FOCAD: variants seen among roughly 807,000 people sequenced by gnomAD.
FOCAD encodes the protein focadhesin.
A neutral mutation model predicts 225.6 loss-of-function variants in FOCAD; 198 were observed. The observed-to-expected ratio is 0.88, with a 90% CI of 0.78 to 0.99. The LOEUF is 0.99. FOCAD is among the 50% of genes least tolerant of loss of function. The probability of loss-of-function intolerance (pLI) is 0.00; values close to 1 mark genes in which losing one functional copy is unlikely to be tolerated. For missense variants in FOCAD, 2,713 were observed against 2,123.6 expected (o/e 1.28, Z -5.46); for synonymous variants, 897 against 755.0 (o/e 1.19, Z -3.08).
intron 39 of FOCAD, among the ~76,000 whole-genome samples, chr9:20,984,990 AG>A (rs1841025371): frequency 6.6e-6 from 1 of 152,094 alleles, no homozygotes; most frequent in African/African-American, 2.4e-5. Flanking sequence ...TAGTAGAGAC[AG>A]GGTTTTACCA....
intron 7 of FOCAD, among the ~76,000 whole-genome samples, chr9:20,768,872 C>T (rs1377101668): frequency 6.6e-6 from 1 of 151,992 alleles, no homozygotes; most frequent in Non-Finnish European, 1.5e-5. Context: ...TACATAAAGA[C>T]AGAATGTTAC....
At chr9:20,970,159 A>G (rs926468888) in intron 35 of FOCAD, among the ~76,000 whole-genome samples, 7 of 152,014 alleles carry the variant, frequency 4.6e-5, no homozygotes, top group African/African-American at 1.5e-4. Flanking sequence ...AAATTTGGCT[A>G]CAGTACGTCT....
chr9:20,733,342 C>T (rs959322564), intron 4 of FOCAD, among the ~76,000 whole-genome samples: 10 of 152,024 alleles, frequency 6.6e-5, no homozygotes, highest in African/African-American at 1.7e-4. Context: ...CAGGAGATCA[C>T]GTTTAATTTT....
chr9:20,732,205 G>A (rs961762827), intron 4 of FOCAD, among the ~76,000 whole-genome samples: 1 of 152,186 alleles, frequency 6.6e-6, no homozygotes, highest in African/African-American at 2.4e-5. Context: ...GGTTTCAATG[G>A]AGAGATTGCC....
At chr9:20,697,215 A>G (rs1478741980) in intron 1 of FOCAD, among the ~76,000 whole-genome samples, 2 of 152,186 alleles carry the variant, frequency 1.3e-5, no homozygotes, top group African/African-American at 2.4e-5. Flanking sequence ...CCAAAGCAAT[A>G]TGATTTATCT....
At chr9:20,796,586 T>C (rs1174930447) in intron 11 of FOCAD, among the ~76,000 whole-genome samples, 2 of 152,238 alleles carry the variant, frequency 1.3e-5, no homozygotes, top group African/African-American at 4.8e-5. Flanking sequence ...CATTTTTTCA[T>C]GTGTCTTTTG....
chr9:20,868,180 A>G (rs1201374476), intron 18 of FOCAD, among the ~76,000 whole-genome samples: 2 of 152,124 alleles, frequency 1.3e-5, no homozygotes, highest in Non-Finnish European at 2.9e-5. Context: ...CAGGAAAGAA[A>G]AAGGAAAAAA....
intron 21 of FOCAD, among the ~76,000 whole-genome samples, chr9:20,905,136 C>G (rs1310636967): frequency 6.6e-6 from 1 of 151,928 alleles, no homozygotes; most frequent in Non-Finnish European, 1.5e-5. Flanking sequence ...CCATAGAACA[C>G]TAAGTCTAGG....
rs377744866 is a variant in FOCAD at position 20,717,919 on chromosome 9, G to C, written c.132+51G>C. 2.1e-6 allele frequency: 3 copies of C among 1,424,696 alleles called. No homozygotes were observed. In the African/African-American group the frequency reaches 4.2e-5, roughly 20 times the overall value. The allele number at this position is 1,424,696 out of a possible 1,614,324, so 88.3% of individuals were successfully genotyped here. On this transcript the variant is annotated intron_variant, in intron 3 of 43. Coordinates refer to ENST00000338382, the MANE Select transcript of FOCAD (RefSeq NM_001375567.1). ...TTCTCTTCAGATAAGATTGCTACTAGCTGGATCACATATGCACCTGTCTTG... is the reference window on the plus strand; with the variant it reads ...TTCTCTTCAGATAAGATTGCTACTACCTGGATCACATATGCACCTGTCTTG...
At chr9:20,759,442 A>G (rs2130906418) in intron 6 of FOCAD, among the ~76,000 whole-genome samples, 1 of 152,326 alleles carries the variant, frequency 6.6e-6, no homozygotes, top group East Asian at 1.9e-4. Flanking sequence ...GACAAACCTG[A>G]GAAAAACAAG....
Position 20,948,410 on chromosome 9 carries a change from G to A in FOCAD, c.3798+17G>A. ...CTAACAGAGGTAGAGGTCACCTGTT[G>A]TATGCTATTTCATATTTTTATAATG... On this transcript the variant is annotated intron_variant, in intron 31 of 43. Transcript: ENST00000338382. The A allele has an allele frequency of 2.5e-6, 4 of 1,602,410 alleles. No homozygotes were observed. The highest frequency in any genetic ancestry group is 3.4e-6 in the Non-Finnish European group (4 of 1,175,152).
At chr9:20,933,991 T>C (rs1835722753) in intron 28 of FOCAD, among the ~76,000 whole-genome samples, 1 of 152,124 alleles carries the variant, frequency 6.6e-6, no homozygotes, top group Admixed American at 6.6e-5. Context: ...CATTTGTTGG[T>C]CATTTGTATA....
At chr9:20,953,302 C>T (rs918847079) in intron 35 of FOCAD, among the ~76,000 whole-genome samples, 1 of 152,176 alleles carries the variant, frequency 6.6e-6, no homozygotes, top group African/African-American at 2.4e-5. Context: ...ATGGGTGGCT[C>T]TGTGAAAATC....
At chr9:20,886,367 G>C (rs1831103954) in intron 21 of FOCAD, among the ~76,000 whole-genome samples, 1 of 152,158 alleles carries the variant, frequency 6.6e-6, no homozygotes. Context: ...TTGGCATAGA[G>C]AAGGGAGAAA....
chr9:20,907,432 C>A (rs1026497413), intron 22 of FOCAD, among the ~76,000 whole-genome samples, 190 bp downstream of exon 22: 1 of 151,984 alleles, frequency 6.6e-6, no homozygotes, highest in Admixed American at 6.6e-5. Flanking sequence ...CAATGCCCCC[C>A]AAATCCATGT....
At chr9:20,961,709 C>A (rs1036795464) in intron 35 of FOCAD, among the ~76,000 whole-genome samples, 2 of 152,010 alleles carry the variant, frequency 1.3e-5, no homozygotes, top group Non-Finnish European at 1.5e-5. Context: ...CTCTCATTAT[C>A]CTCAATATAT....
chr9:20,947,806 T>C (rs1298810840), intron 30 of FOCAD, among the ~76,000 whole-genome samples: 1 of 152,310 alleles, frequency 6.6e-6, no homozygotes, highest in East Asian at 1.9e-4. Flanking sequence ...AAGCTCGTAA[T>C]GTTATCGTTA....
chr9:20,942,682 G>A (rs1028642924), intron 28 of FOCAD, among the ~76,000 whole-genome samples: 8 of 152,084 alleles, frequency 5.3e-5, no homozygotes, highest in Non-Finnish European at 1.2e-4. Context: ...TACTGGTTGA[G>A]TGCCTGTATA....
chr9:20,775,107 CCTACT>C (rs1818624861), intron 8 of FOCAD, among the ~76,000 whole-genome samples: 1 of 152,142 alleles, frequency 6.6e-6, no homozygotes, highest in South Asian at 2.1e-4. Context: ...TTCACTTTTT[CCTACT>C]CTGTTCTCTT....
Sources: allele counts gnomAD v4.1 joint callset (sites outside exome capture counted in the v4.1 genomes callset), GRCh38; gene constraint gnomAD v4.1.1; transcripts MANE v1.5; gene names NCBI Gene and HGNC (gene_info 2026-07-23, HGNC 2026-07-21).